RPH3AL: variants seen among roughly 807,000 people sequenced by gnomAD.
The protein encoded by RPH3AL is rabphilin 3A like (without C2 domains).
RPH3AL carries 38 observed loss-of-function variants against 43.1 expected under a neutral mutation model. The observed-to-expected ratio is 0.88, with a 90% CI of 0.68 to 1.15. The LOEUF (loss-of-function observed/expected upper bound fraction) is 1.15. Among genes scored for constraint, RPH3AL ranks in the 50% most tolerant of loss-of-function variants. RPH3AL has a pLI of 0.00. For missense variants in RPH3AL, 462 were observed against 423.2 expected, an observed-to-expected ratio of 1.09 and a Z score of -0.81; for synonymous variants, 189 against 176.3, an observed-to-expected ratio of 1.07 and a Z score of -0.57.
intron 1 of RPH3AL, among the ~76,000 whole-genome samples, chr17:350,822 G>T (rs971978457): frequency 1.3e-5 from 2 of 152,186 alleles, no homozygotes; most frequent in African/African-American, 4.8e-5. Flanking sequence ...TGTCAGCCAA[G>T]GCCATCTGGG....
chr17:232,285 GC>G (rs1475820155), intron 7 of RPH3AL, among the ~76,000 whole-genome samples: 1 of 152,180 alleles, frequency 6.6e-6, no homozygotes, highest in Non-Finnish European at 1.5e-5. Flanking sequence ...AACAGTAGCG[GC>G]CCCGTCACAG....
chr17:264,163 T>C lies in RPH3AL; in HGVS notation c.439-16878A>G, dbSNP rs1473261130. Among the ~76,000 whole-genome samples, 1 of 152,186 alleles carries C rather than the reference T, an allele frequency of 6.6e-6. No individual in the cohort carries two copies. Among genetic ancestry groups the C allele is most frequent in the East Asian group, 1.9e-4 (1 of 5,200 alleles). On this transcript the variant is annotated intron_variant, in intron 6 of 9. Transcript: ENST00000331302. The surrounding 1 kb of genome is among the most constrained non-coding windows in gnomAD (Gnocchi z 4.8). ...AAACGTGAGGTGTACTGAGGTAACA[T>C]ACACACTTGTTTCTAGCATTGTTTT...
At chr17:326,034 C>G (rs980786094) in intron 3 of RPH3AL, among the ~76,000 whole-genome samples, 15 of 152,332 alleles carry the variant, frequency 9.8e-5, no homozygotes, top group Middle Eastern at 3.4e-3. Context: ...GAAGGGAACC[C>G]TGGAGGGTCA....
At chr17:326,633 C>T (rs2044627918) in intron 3 of RPH3AL, among the ~76,000 whole-genome samples, 1 of 152,232 alleles carries the variant, frequency 6.6e-6, no homozygotes, top group African/African-American at 2.4e-5. Context: ...GTAATCCCAG[C>T]ACTTTGGGAG....
intron 5 of RPH3AL, among the ~76,000 whole-genome samples, chr17:309,800 C>A (rs1308924939): frequency 6.6e-6 from 1 of 152,152 alleles, no homozygotes; most frequent in Non-Finnish European, 1.5e-5. Flanking sequence ...TGACTCTCAG[C>A]AGGACACATC....
At position 283,852 on chromosome 17, in the gene RPH3AL, C is replaced by T. The variant is rs1035425704; in HGVS notation, c.352-1998G>A. On this transcript the variant is annotated intron_variant, in intron 5 of 9. Transcript: ENST00000331302. The surrounding 1 kb of genome is among the most constrained non-coding windows in gnomAD (Gnocchi z 4.2). Reference sequence around the variant, plus strand: ...GCCTCTCTCCACCTCTTCCACCCTTCGCTCCTAATGTTCCCACCTCTACAA... The same window carrying T: ...GCCTCTCTCCACCTCTTCCACCCTTTGCTCCTAATGTTCCCACCTCTACAA... 4.6e-5 allele frequency among the ~76,000 whole-genome samples: 7 copies of T among 152,212 alleles called. No homozygotes were observed. Among genetic ancestry groups the T allele is most frequent in the Non-Finnish European group, 1.0e-4 (7 of 68,042 alleles).
intron 6 of RPH3AL, among the ~76,000 whole-genome samples, chr17:250,294 CGTTGCTGCGGG>C (rs2041867076): frequency 2.1e-5 from 2 of 94,006 alleles, no homozygotes; most frequent in African/African-American, 8.3e-5. Context: ...TACCAAGCTC[CGTTGCTGCGGG>C]ACCTCTCAGA....
At chr17:265,601 C>T (rs1355032066) in intron 6 of RPH3AL, among the ~76,000 whole-genome samples, 1 of 152,192 alleles carries the variant, frequency 6.6e-6, no homozygotes, top group African/African-American at 2.4e-5. Flanking sequence ...TATAATTTCT[C>T]CTTGTTGTTG....
intron 5 of RPH3AL, among the ~76,000 whole-genome samples, chr17:292,243 G>A (rs2043064819): frequency 6.6e-6 from 1 of 152,200 alleles, no homozygotes; most frequent in South Asian, 2.1e-4. Context: ...CATCCGCCAG[G>A]CTTGGAGAAG....
At chr17:316,858 G>A (rs1270775056) in intron 5 of RPH3AL, among the ~76,000 whole-genome samples, 1 of 14,934 alleles carries the variant, frequency 6.7e-5, no homozygotes, top group Non-Finnish European at 1.5e-4. Context: ...CTCCAGTGAT[G>A]TGTAGTCCCT....
Position 245,335 on chromosome 17 carries a change from G to C in RPH3AL, c.613+1776C>G, listed in dbSNP as rs1294520423. 1.3e-5 allele frequency among the ~76,000 whole-genome samples: 2 copies of C among 151,356 alleles called. No homozygotes were observed. The highest frequency in any genetic ancestry group is 4.9e-5 in the African/African-American group (2 of 41,156). On this transcript the variant is annotated intron_variant, in intron 7 of 9. Transcript: ENST00000331302. This position sits in a 1 kb window ranked among gnomAD's most constrained non-coding sequence, Gnocchi z 5.9. ...TGGATGTGGATGTCAGTGTGTGTGTGTGGATGTGAGTGTGTATGTGGATGT... is the reference window on the plus strand; with the variant it reads ...TGGATGTGGATGTCAGTGTGTGTGTCTGGATGTGAGTGTGTATGTGGATGT...
chr17:248,787 T>C lies in RPH3AL; in HGVS notation c.439-1502A>G, dbSNP rs537712162. On this transcript the variant is annotated intron_variant, in intron 6 of 9. Transcript: ENST00000331302. Reference sequence around the variant, plus strand: ...GTTACTTAACCTCTCTGAGCCTGAGTTTCTTTATTGATTAAATTGATGAAA... The same window carrying C: ...GTTACTTAACCTCTCTGAGCCTGAGCTTCTTTATTGATTAAATTGATGAAA... Among the ~76,000 whole-genome samples the C allele has an allele frequency of 1.1e-4, 17 of 152,288 alleles. No individual in the cohort carries two copies. In the South Asian group the frequency reaches 1.2e-3, roughly 11 times the overall value.
At position 290,006 on chromosome 17, in the gene RPH3AL, C is replaced by T. The variant is rs2043011093; in HGVS notation, c.352-8152G>A. Reference sequence around the variant, plus strand: ...ATCTTCCCAAGGGCAGAGGCCACGTCTATTTCTGTTCACCCTCCTGCTCCC... The same window carrying T: ...ATCTTCCCAAGGGCAGAGGCCACGTTTATTTCTGTTCACCCTCCTGCTCCC... On this transcript the variant is annotated intron_variant, in intron 5 of 9. Coordinates refer to ENST00000331302, the MANE Select transcript of RPH3AL (RefSeq NM_006987.4). This position sits in a 1 kb window ranked among gnomAD's most constrained non-coding sequence, Gnocchi z 4.2. Among the ~76,000 whole-genome samples, 1 of 152,234 alleles carries T rather than the reference C, an allele frequency of 6.6e-6. No individual in the cohort carries two copies. The highest frequency in any genetic ancestry group is 2.4e-5 in the African/African-American group (1 of 41,454).
intron 5 of RPH3AL, among the ~76,000 whole-genome samples, chr17:302,676 C>A (rs1224913688): frequency 6.6e-6 from 1 of 152,178 alleles, no homozygotes; most frequent in Admixed American, 6.5e-5. Flanking sequence ...CCCAGGCCTG[C>A]CCAGCAGGTG....
chr17:216,319 G>A (rs965663222), intron 8 of RPH3AL, among the ~76,000 whole-genome samples: 1 of 152,204 alleles, frequency 6.6e-6, no homozygotes, highest in Non-Finnish European at 1.5e-5. Context: ...GGGCCTGCAG[G>A]TCTTTTCACT....
At chr17:241,521 CGTT>C (rs1407984981) in intron 7 of RPH3AL, among the ~76,000 whole-genome samples, 3 of 151,964 alleles carry the variant, frequency 2.0e-5, no homozygotes, top group Non-Finnish European at 4.4e-5. Flanking sequence ...AATCTGTATC[CGTT>C]GGCCTGGAGG....
intron 6 of RPH3AL, among the ~76,000 whole-genome samples, chr17:270,723 G>T (rs1410563060): frequency 6.6e-6 from 1 of 152,040 alleles, no homozygotes; most frequent in African/African-American, 2.4e-5. Flanking sequence ...CATTCTGTAG[G>T]TTGCCTGTTC....
At position 289,554 on chromosome 17, in the gene RPH3AL, G is replaced by T. The variant is rs2042997965; in HGVS notation, c.352-7700C>A. 6.6e-6 allele frequency among the ~76,000 whole-genome samples: 1 copy of T among 152,112 alleles called. No homozygotes were observed. Among genetic ancestry groups the T allele is most frequent in the African/African-American group, 2.4e-5 (1 of 41,414 alleles). On this transcript the variant is annotated intron_variant, in intron 5 of 9. Coordinates refer to ENST00000331302, the MANE Select transcript of RPH3AL (RefSeq NM_006987.4). This position sits in a 1 kb window ranked among gnomAD's most constrained non-coding sequence, Gnocchi z 5.2. ...GCAGCCAGGCCGATTTTCTCAAGAG[G>T]CAAATCTAATCATGTCACCTCTCCC...
At chr17:277,734 T>A (rs2042687059) in intron 6 of RPH3AL, among the ~76,000 whole-genome samples, 1 of 152,118 alleles carries the variant, frequency 6.6e-6, no homozygotes, top group Non-Finnish European at 1.5e-5. Context: ...GCAGGTGGAT[T>A]TGCTTGAGCT....
Sources: allele counts gnomAD v4.1 joint callset (sites outside exome capture counted in the v4.1 genomes callset), GRCh38; gene constraint gnomAD v4.1.1; non-coding constraint Gnocchi (gnomAD v3.1); transcripts MANE v1.5; gene names NCBI Gene and HGNC (gene_info 2026-07-23, HGNC 2026-07-21).